CNTNAP5: variants seen among roughly 807,000 people sequenced by gnomAD.
CNTNAP5 encodes contactin associated protein family member 5.
A neutral mutation model predicts 150.2 loss-of-function variants in CNTNAP5; 72 were observed. That is an observed-to-expected ratio of 0.48 (90% CI 0.40 to 0.58). The LOEUF is 0.58. CNTNAP5 is among the 20% of genes least tolerant of loss of function. The pLI is 0.00. For synonymous variants in CNTNAP5, 672 were observed against 619.8 expected, an observed-to-expected ratio of 1.08 and a Z score of -1.25; for missense variants, 1,636 against 1,626.2, an observed-to-expected ratio of 1.01 and a Z score of -0.10.
intron 11 of CNTNAP5, among the ~76,000 whole-genome samples, chr2:124,605,834 GAAGGAAAGAAA>G (rs1697095202): frequency 1.5e-5 from 1 of 66,784 alleles, no homozygotes; most frequent in Non-Finnish European, 3.0e-5. Context: ...AAAAAAAAAA[GAAGGAAAGAAA>G]GAAAGAAAGA....
chr2:124,382,288 G>A (rs1690816109), intron 3 of CNTNAP5, among the ~76,000 whole-genome samples: 1 of 152,068 alleles, frequency 6.6e-6, no homozygotes, highest in Non-Finnish European at 1.5e-5. Context: ...CTTTGTGGAT[G>A]GGTAGATGAG....
chr2:124,036,317 A>G (rs1041086740), intron 1 of CNTNAP5, among the ~76,000 whole-genome samples: 1 of 152,016 alleles, frequency 6.6e-6, no homozygotes, highest in African/African-American at 2.4e-5. Flanking sequence ...GGAAAAGGAA[A>G]CCCACAGACT....
intron 3 of CNTNAP5, among the ~76,000 whole-genome samples, chr2:124,322,914 A>C (rs535660203): frequency 6.6e-6 from 1 of 152,342 alleles, no homozygotes; most frequent in Admixed American, 6.5e-5. Context: ...CTAACATGTA[A>C]CTAGCAATGT....
chr2:124,254,192 C>T (rs1004193337), intron 3 of CNTNAP5, among the ~76,000 whole-genome samples: 1 of 152,204 alleles, frequency 6.6e-6, no homozygotes, highest in African/African-American at 2.4e-5. Context: ...AAATCCTTAT[C>T]TAAAGAAAAC....
intron 1 of CNTNAP5, among the ~76,000 whole-genome samples, chr2:124,145,841 A>AAAAAT (rs1684237348): frequency 1.1e-5 from 1 of 91,538 alleles, no homozygotes; most frequent in African/African-American, 3.9e-5. Flanking sequence ...AGAAAAAAAA[A>AAAAAT]AAAAATAAAA....
chr2:124,763,730 A>G lies in CNTNAP5; in HGVS notation c.2293A>G (p.Ile765Val). The G allele has an allele frequency of 6.2e-7, 1 of 1,613,078 alleles. No individual in the cohort carries two copies. Among genetic ancestry groups the G allele is most frequent in the Non-Finnish European group, 8.5e-7 (1 of 1,179,442 alleles). Residue 765 changes from isoleucine (I) to valine (V), a missense_variant, in exon 15 of 24, where the codon ATC becomes GTC. Physicochemically the swap from Ile to Val is conservative, Grantham distance 29. Coordinates refer to ENST00000682447, the MANE Select transcript of CNTNAP5 (RefSeq NM_001367498.1). The part of the protein sequence containing the change: ...KDHLPVTQIV[I>V]TDTDRSNSEA... ...CCACTTGCCTGTCACTCAGATAGTT[A>G]TCACTGATACCGACAGATCAAACTC... is the stretch of plus-strand genomic sequence containing the variant.
At chr2:124,786,109 C>T (rs948295808) in intron 17 of CNTNAP5, among the ~76,000 whole-genome samples, 4 of 151,422 alleles carry the variant, frequency 2.6e-5, no homozygotes, top group African/African-American at 4.9e-5. Flanking sequence ...TAAATTTTAA[C>T]GAATTAGCTG....
At chr2:124,442,376 A>G (rs900507332) in intron 5 of CNTNAP5, among the ~76,000 whole-genome samples, 5 of 152,168 alleles carry the variant, frequency 3.3e-5, no homozygotes, top group Admixed American at 1.3e-4. Flanking sequence ...ACCTTGATCC[A>G]GTCAACATAA....
chr2:124,601,433 A>G (rs1285525863), intron 11 of CNTNAP5, among the ~76,000 whole-genome samples: 2 of 152,230 alleles, frequency 1.3e-5, no homozygotes, highest in Admixed American at 1.3e-4. Flanking sequence ...AATACCAAGT[A>G]GTATTTCAGG....
chr2:124,498,173 C>T (rs889518937), intron 7 of CNTNAP5, among the ~76,000 whole-genome samples: 4 of 152,194 alleles, frequency 2.6e-5, no homozygotes, highest in Non-Finnish European at 5.9e-5. Flanking sequence ...CTGAATACGT[C>T]TTCAAGGAAG....
rs147343353 is a variant in CNTNAP5, at chr2:124,897,764, C to A, written c.3437-5118C>A. Reference sequence around the variant, plus strand: ...AACCTAGGTTTCAGGCCTGAATTGGCCTTGGACTGATTAATTTACTTTAAA... The same window carrying A: ...AACCTAGGTTTCAGGCCTGAATTGGACTTGGACTGATTAATTTACTTTAAA... On this transcript the variant is annotated intron_variant, in intron 21 of 23. Coordinates refer to ENST00000682447, the MANE Select transcript of CNTNAP5 (RefSeq NM_001367498.1). 6.6e-5 allele frequency among the ~76,000 whole-genome samples: 10 copies of A among 151,530 alleles called. No individual in the cohort carries two copies. The East Asian group carries it at 1.9e-3, about 29-fold the overall frequency.
At position 124,309,976 on chromosome 2, in the gene CNTNAP5, G is replaced by A. The variant is rs1452307619; in HGVS notation, c.381+67583G>A. Among the ~76,000 whole-genome samples the A allele has an allele frequency of 3.9e-5, 6 of 152,020 alleles. No individual in the cohort carries two copies. In the East Asian group the frequency reaches 7.7e-4, roughly 20 times the overall value. On this transcript the variant is annotated intron_variant, in intron 3 of 23. Transcript: ENST00000682447. ...GGTTAATCAGCAAGCATGTGCTTCC[G>A]TATAGCAATGGAAGGTGGCTAGCTT...
At chr2:124,670,296 G>A (rs1428754194) in intron 13 of CNTNAP5, among the ~76,000 whole-genome samples, 1 of 149,560 alleles carries the variant, frequency 6.7e-6, no homozygotes, top group African/African-American at 2.5e-5. Flanking sequence ...TGTCATTGTG[G>A]TTTTGATTTT....
chr2:124,821,823 G>T (rs1490404331), intron 19 of CNTNAP5, among the ~76,000 whole-genome samples: 1 of 152,126 alleles, frequency 6.6e-6, no homozygotes, highest in African/African-American at 2.4e-5. Context: ...CAATTTCTGG[G>T]GATGGGGCAA....
At chr2:124,675,225 T>A (rs1678914487) in intron 13 of CNTNAP5, among the ~76,000 whole-genome samples, 1 of 152,138 alleles carries the variant, frequency 6.6e-6, no homozygotes, top group African/African-American at 2.4e-5. Flanking sequence ...AACAATTGAT[T>A]TCTTAAAATT....
intron 11 of CNTNAP5, among the ~76,000 whole-genome samples, chr2:124,590,061 C>CCT (rs149567321): frequency 8.6e-5 from 13 of 151,352 alleles, no homozygotes; most frequent in East Asian, 5.8e-4. Flanking sequence ...TTTTCCCCTC[C>CCT]CTCTCTCTCT....
chr2:124,696,088 G>C (rs1679401590), intron 13 of CNTNAP5, among the ~76,000 whole-genome samples: 1 of 152,034 alleles, frequency 6.6e-6, no homozygotes, highest in Non-Finnish European at 1.5e-5. Context: ...AAAATACTTA[G>C]AGCTGAGAAT....
intron 19 of CNTNAP5, among the ~76,000 whole-genome samples, chr2:124,826,539 C>A (rs1682596311): frequency 6.6e-6 from 1 of 152,136 alleles, no homozygotes; most frequent in African/African-American, 2.4e-5. Context: ...TCTCCCCTGT[C>A]TTTTGCTCCA....
chr2:124,526,191 G>A (rs1694963149), intron 9 of CNTNAP5, among the ~76,000 whole-genome samples: 1 of 152,164 alleles, frequency 6.6e-6, no homozygotes, highest in Admixed American at 6.5e-5. Flanking sequence ...GGGACCCTGG[G>A]TTTAGAAGGT....
Sources: allele counts gnomAD v4.1 joint callset (sites outside exome capture counted in the v4.1 genomes callset), GRCh38; gene constraint gnomAD v4.1.1; transcripts MANE v1.5; gene names NCBI Gene and HGNC (gene_info 2026-07-23, HGNC 2026-07-21).